The following MYT1L variants were observed in gnomAD, a reference collection of about 807,000 sequenced individuals.
MYT1L encodes myelin transcription factor 1 like, also known as myelin transcription factor 1-like protein.
In MYT1L, 12 loss-of-function variants were observed where a neutral mutation model predicts 126.7. The observed-to-expected ratio is 0.09, with a 90% CI of 0.06 to 0.15. MYT1L has a LOEUF of 0.15. Ranked by LOEUF, MYT1L falls within the 10% of genes least tolerant of loss-of-function variation. MYT1L has a pLI of 1.00. For missense variants in MYT1L, 979 were observed against 1,585.2 expected (o/e 0.62, Z 6.49); for synonymous variants, 541 against 604.2 (o/e 0.90, Z 1.53).
chr2:1,855,867 TAA>T (rs571077681), intron 18 of MYT1L, among the ~76,000 whole-genome samples: 43 of 148,770 alleles, frequency 2.9e-4, no homozygotes, highest in African/African-American at 9.6e-4. Flanking sequence ...AAATAAAAAA[TAA>T]AAAAAAAGGA....
At position 2,228,461 on chromosome 2, in the gene MYT1L, AT is replaced by A. The variant is rs545584825; in HGVS notation, c.-420-55474del. ...TTTTTTAATACTGTTATCTAATTAA[AT>A]AGTTAAGATTTTTGCTGAAATCAGC... On this transcript the variant is annotated intron_variant, in intron 2 of 24. Transcript: ENST00000647738. This position sits in a 1 kb window ranked among gnomAD's most constrained non-coding sequence, Gnocchi z 5.9. Among the ~76,000 whole-genome samples the A allele has an allele frequency of 2.0e-5, 3 of 152,362 alleles. No individual in the cohort carries two copies. In the East Asian group the frequency reaches 5.8e-4, roughly 29 times the overall value.
At chr2:2,026,864 C>G (rs2065654831) in intron 4 of MYT1L, among the ~76,000 whole-genome samples, 1 of 152,180 alleles carries the variant, frequency 6.6e-6, no homozygotes, top group Non-Finnish European at 1.5e-5. Context: ...ACCTGCCCCT[C>G]TCCTCGGGAG....
intron 8 of MYT1L, among the ~76,000 whole-genome samples, chr2:1,965,714 C>G (rs940446154): frequency 6.6e-6 from 1 of 152,206 alleles, no homozygotes; most frequent in Non-Finnish European, 1.5e-5. Flanking sequence ...TCATCCTGAC[C>G]TTAAACCCAA....
intron 18 of MYT1L, among the ~76,000 whole-genome samples, chr2:1,880,980 C>T (rs1328670433): frequency 1.3e-5 from 2 of 152,218 alleles, no homozygotes; most frequent in Admixed American, 6.5e-5. Context: ...AATGTTTCAT[C>T]AAGCCCTTTA....
chr2:2,240,188 C>T (rs906838136), intron 2 of MYT1L, among the ~76,000 whole-genome samples: 1 of 152,090 alleles, frequency 6.6e-6, no homozygotes, highest in African/African-American at 2.4e-5. Context: ...ATCCCAGCTA[C>T]TTGAGAGGCA....
At chr2:1,927,128 CAG>C (rs776031421) in intron 9 of MYT1L, among the ~76,000 whole-genome samples, 1 of 152,166 alleles carries the variant, frequency 6.6e-6, no homozygotes, top group Non-Finnish European at 1.5e-5. Flanking sequence ...GGTGGACTCA[CAG>C]AGTTACCGCA....
intron 2 of MYT1L, among the ~76,000 whole-genome samples, chr2:2,209,914 C>T (rs910624258): frequency 6.6e-6 from 1 of 152,104 alleles, no homozygotes; most frequent in Non-Finnish European, 1.5e-5. Context: ...ACACTCCCAC[C>T]AATAGTCTTC....
chr2:1,851,558 G>A, intron 19 of MYT1L, 83 bp downstream of exon 19: 1 of 1,390,878 alleles, frequency 7.2e-7, no homozygotes, highest in East Asian at 2.3e-5. Context: ...AACTTCGCAA[G>A]GCTTGGAGCC....
intron 3 of MYT1L, among the ~76,000 whole-genome samples, chr2:2,156,818 C>CAAA (rs1426734444): frequency 5.3e-5 from 8 of 152,170 alleles, no homozygotes. Context: ...GGGAACAGAG[C>CAAA]AAAGCGGCTG....
At chr2:1,892,364 C>A in intron 14 of MYT1L, 77 bp from the exon 15 acceptor site, 1 of 1,492,008 alleles carries the variant, frequency 6.7e-7, no homozygotes, top group Non-Finnish European at 8.9e-7. Flanking sequence ...AGGGCCTGCC[C>A]GCCCCGGCCT....
chr2:1,888,193 T>G (rs1037507682), intron 16 of MYT1L, among the ~76,000 whole-genome samples: 1 of 152,170 alleles, frequency 6.6e-6, no homozygotes, highest in Non-Finnish European at 1.5e-5. Context: ...TGTAGATACA[T>G]GGGAAGGTTT....
chr2:1,886,457 T>C, intron 18 of MYT1L, 82 bp downstream of exon 18: 1 of 1,046,554 alleles, frequency 9.6e-7, no homozygotes, highest in South Asian at 2.1e-5. Flanking sequence ...GACATTTTTC[T>C]TTGCAAATGA....
intron 2 of MYT1L, among the ~76,000 whole-genome samples, chr2:2,254,701 G>A (rs866818568): frequency 5.3e-5 from 8 of 152,114 alleles, no homozygotes; most frequent in Middle Eastern, 6.8e-3. Context: ...AGAAAGATGC[G>A]AAATGTTCAT....
chr2:2,281,707 T>G (rs2095449008), intron 2 of MYT1L, among the ~76,000 whole-genome samples: 1 of 152,180 alleles, frequency 6.6e-6, no homozygotes, highest in South Asian at 2.1e-4. Flanking sequence ...GTTCTGAACA[T>G]AGTAGATCAT....
At chr2:1,837,141 C>G (rs2041011548) in intron 21 of MYT1L, among the ~76,000 whole-genome samples, 1 of 152,176 alleles carries the variant, frequency 6.6e-6, no homozygotes, top group Non-Finnish European at 1.5e-5. Context: ...GGGCTGTCCT[C>G]TGACCCTAAC....
chr2:2,220,318 G>T (rs77041749), intron 2 of MYT1L, among the ~76,000 whole-genome samples: 1 of 152,140 alleles, frequency 6.6e-6, no homozygotes. Context: ...ACAACTCCAA[G>T]GGGGTTTGGT....
At chr2:2,197,735 A>C (rs2092873756) in intron 2 of MYT1L, among the ~76,000 whole-genome samples, 2 of 149,366 alleles carry the variant, frequency 1.3e-5, no homozygotes, top group African/African-American at 2.5e-5. Context: ...TATAACACAC[A>C]CATATATACA....
intron 1 of MYT1L, among the ~76,000 whole-genome samples, chr2:2,289,276 AGC>A (rs1489696910): frequency 6.6e-6 from 1 of 152,158 alleles, no homozygotes; most frequent in Non-Finnish European, 1.5e-5. Context: ...TTGGCCAAAA[AGC>A]TTTCTTTAAA....
intron 4 of MYT1L, among the ~76,000 whole-genome samples, chr2:2,012,630 G>A (rs1238946812): frequency 2.6e-5 from 4 of 152,098 alleles, no homozygotes; most frequent in East Asian, 3.8e-4. Context: ...AATATTCAAC[G>A]GAAAATTCCA....
Sources: gnomAD v4.1 joint callset for allele counts (sites outside exome capture counted in the v4.1 genomes callset) on GRCh38, gnomAD v4.1.1 for gene constraint, Gnocchi (gnomAD v3.1) non-coding constraint, MANE v1.5 for transcripts, NCBI Gene and HGNC (gene_info 2026-07-23, HGNC 2026-07-21) for gene names.